SHISA6: variants seen among roughly 807,000 people sequenced by gnomAD.
SHISA6 encodes the protein protein shisa-6.
In SHISA6, 22 loss-of-function variants were observed where a neutral mutation model predicts 47.9. The ratio of observed to expected loss-of-function variants is 0.46; its 90% CI spans 0.33 to 0.66. SHISA6 has a LOEUF of 0.66. Among genes scored for constraint, SHISA6 ranks in the 30% least tolerant of loss-of-function variants. SHISA6 has a pLI of 0.02. For missense variants in SHISA6, 680 were observed against 764.6 expected, an observed-to-expected ratio of 0.89 and a Z score of 1.30; for synonymous variants, 388 against 337.8, an observed-to-expected ratio of 1.15 and a Z score of -1.63.
intron 2 of SHISA6, among the ~76,000 whole-genome samples, chr17:11,313,252 C>G (rs903556943): frequency 1.5e-5 from 2 of 130,164 alleles, no homozygotes; most frequent in Non-Finnish European, 3.3e-5. Flanking sequence ...TTTTTCCAAT[C>G]TGAGTTTTAA....
intron 2 of SHISA6, among the ~76,000 whole-genome samples, chr17:11,341,877 T>A (rs1011207078): frequency 6.6e-6 from 1 of 152,180 alleles, no homozygotes; most frequent in African/African-American, 2.4e-5. Flanking sequence ...ATTTAGCTAC[T>A]GATTAATTTT....
chr17:11,420,538 C>T (rs1016068948), intron 3 of SHISA6, among the ~76,000 whole-genome samples: 10 of 152,166 alleles, frequency 6.6e-5, no homozygotes, highest in Admixed American at 4.6e-4. Flanking sequence ...TGGAATAACA[C>T]CACATAGGTC....
intron 2 of SHISA6, among the ~76,000 whole-genome samples, chr17:11,292,824 A>AT (rs35397647): frequency 0.017 from 2,269 of 135,614 alleles, 42 homozygotes; most frequent in African/African-American, 0.038. Context: ...AATCAGATTG[A>AT]TTTTTTTTTT....
intron 2 of SHISA6, among the ~76,000 whole-genome samples, chr17:11,264,307 G>A (rs1908347550): frequency 6.6e-6 from 1 of 152,138 alleles, no homozygotes; most frequent in Non-Finnish European, 1.5e-5. Context: ...AATCTTAGAA[G>A]TACTTATATT....
At chr17:11,489,407 G>C (rs961910754) in intron 3 of SHISA6, among the ~76,000 whole-genome samples, 1 of 152,238 alleles carries the variant, frequency 6.6e-6, no homozygotes, top group Middle Eastern at 3.4e-3. Context: ...TCTCCCTTGA[G>C]TGTCTAGCTT....
intron 3 of SHISA6, among the ~76,000 whole-genome samples, chr17:11,547,548 G>A (rs998408971): frequency 2.6e-5 from 4 of 152,172 alleles, no homozygotes; most frequent in Non-Finnish European, 4.4e-5. Flanking sequence ...TGTTGCTCAT[G>A]GAATAGTGCC....
intron 2 of SHISA6, chr17:11,289,601 TACAC>T (rs763234938): frequency 4.2e-5 from 6 of 143,044 alleles, no homozygotes; most frequent in African/African-American, 1.5e-4. Context: ...TATATATATA[TACAC>T]ACACACACAA....
At chr17:11,341,484 A>G (rs773622799) in intron 2 of SHISA6, among the ~76,000 whole-genome samples, 5 of 151,832 alleles carry the variant, frequency 3.3e-5, no homozygotes, top group East Asian at 1.9e-4. Context: ...ACTGGTGTGC[A>G]CTACCATGCC....
At chr17:11,515,438 G>A (rs1008929465) in intron 3 of SHISA6, among the ~76,000 whole-genome samples, 10 of 151,768 alleles carry the variant, frequency 6.6e-5, no homozygotes, top group East Asian at 3.9e-4. Context: ...TTCCTGTCTC[G>A]GGTCGGGTTT....
At position 11,464,891 on chromosome 17, in the gene SHISA6, A is replaced by G. The variant is rs1346759833; in HGVS notation, c.895+85382A>G. On this transcript the variant is annotated intron_variant, in intron 3 of 5. Transcript: ENST00000441885. Reference sequence around the variant, plus strand: ...CAGGAGGCAGAGGTTGCAGTGAGCCAAGATCATGCCATTGCACTCCAGCCT... The same window carrying G: ...CAGGAGGCAGAGGTTGCAGTGAGCCGAGATCATGCCATTGCACTCCAGCCT... 2.5e-4 allele frequency among the ~76,000 whole-genome samples: 38 copies of G among 151,822 alleles called. 1 individual carries two copies. The highest frequency in any genetic ancestry group is 2.5e-3 in the Admixed American group (38 of 15,234).
At chr17:11,246,258 G>A (rs1020781907) in intron 1 of SHISA6, among the ~76,000 whole-genome samples, 1 of 152,140 alleles carries the variant, frequency 6.6e-6, no homozygotes, top group Non-Finnish European at 1.5e-5. Context: ...TGGGAGGCCA[G>A]AGTGGGTGGA....
At chr17:11,341,328 C>CTTTTTTTT (rs71367322) in intron 2 of SHISA6, among the ~76,000 whole-genome samples, 9 of 88,826 alleles carry the variant, frequency 1.0e-4, no homozygotes, top group African/African-American at 3.1e-4. Context: ...CTCTCTCTCT[C>CTTTTTTTT]TTTTTTTTTT....
chr17:11,381,288 A>C (rs183679613), intron 3 of SHISA6, among the ~76,000 whole-genome samples: 50 of 152,318 alleles, frequency 3.3e-4, no homozygotes, highest in African/African-American at 1.2e-3. Context: ...TTATACATAT[A>C]ATAAATATGA....
chr17:11,275,478 A>T (rs1486342649), intron 2 of SHISA6, among the ~76,000 whole-genome samples: 1 of 152,210 alleles, frequency 6.6e-6, no homozygotes, highest in Non-Finnish European at 1.5e-5. Flanking sequence ...TTGGATGTCA[A>T]GCGTCAGCAA....
chr17:11,412,860 A>C (rs897552515), intron 3 of SHISA6, among the ~76,000 whole-genome samples: 6 of 152,144 alleles, frequency 3.9e-5, no homozygotes, highest in Non-Finnish European at 5.9e-5. Context: ...CTTCCAAGGA[A>C]CAATCTGGGA....
At chr17:11,282,413 T>A (rs1048422074) in intron 2 of SHISA6, among the ~76,000 whole-genome samples, 2 of 147,560 alleles carry the variant, frequency 1.4e-5, no homozygotes, top group Admixed American at 6.8e-5. Flanking sequence ...TTTTTTTTTT[T>A]AATACTTTAA....
At chr17:11,263,329 T>G in intron 1 of SHISA6, 37 bp from the exon 2 acceptor site, 1 of 1,549,750 alleles carries the variant, frequency 6.5e-7, no homozygotes, top group Non-Finnish European at 8.7e-7. Flanking sequence ...GCACACCTGC[T>G]CAGTGAATCT....
At chr17:11,319,570 T>G (rs527991034) in intron 2 of SHISA6, among the ~76,000 whole-genome samples, 1 of 152,360 alleles carries the variant, frequency 6.6e-6, no homozygotes, top group East Asian at 1.9e-4. Context: ...GAGTTGCAAA[T>G]GTGGATTGCC....
intron 2 of SHISA6, among the ~76,000 whole-genome samples, chr17:11,269,048 TG>T (rs1290292472): frequency 0.014 from 2,024 of 149,082 alleles, 37 homozygotes; most frequent in African/African-American, 0.047. Context: ...TTGTCTGTTT[TG>T]TTTTTTTTTT....
Sources: gnomAD v4.1 joint callset for allele counts (sites outside exome capture counted in the v4.1 genomes callset) on GRCh38, gnomAD v4.1.1 for gene constraint, MANE v1.5 for transcripts, NCBI Gene and HGNC (gene_info 2026-07-23, HGNC 2026-07-21) for gene names.